The following CRTAC1 variants were observed in gnomAD, a reference collection of about 807,000 sequenced individuals.
CRTAC1 encodes the protein cartilage acidic protein 1.
A neutral mutation model predicts 67.8 loss-of-function variants in CRTAC1; 37 were observed. That is an observed-to-expected ratio of 0.55 (90% CI 0.42 to 0.72). The LOEUF (loss-of-function observed/expected upper bound fraction) is 0.72. Among genes scored for constraint, CRTAC1 ranks in the 30% least tolerant of loss-of-function variants. The probability of loss-of-function intolerance (pLI) is 0.00; values close to 1 mark genes in which losing one functional copy is unlikely to be tolerated. For missense variants in CRTAC1, 780 were observed against 931.6 expected (o/e 0.84, Z 2.12); for synonymous variants, 348 against 371.0 (o/e 0.94, Z 0.71).
At chr10:97,942,631 C>G (rs1564905279) in intron 2 of CRTAC1, among the ~76,000 whole-genome samples, 1 of 151,964 alleles carries the variant, frequency 6.6e-6, no homozygotes, top group South Asian at 2.1e-4. Context: ...AGAAACTGTG[C>G]TAAGTAATTT....
intron 4 of CRTAC1, 144 bp downstream of exon 4, chr10:97,923,120 C>T (rs1244226382): frequency 5.8e-6 from 5 of 863,148 alleles, no homozygotes; most frequent in Non-Finnish European, 7.1e-6. Context: ...ATGCATTCTG[C>T]AAGTCTTAGT....
chr10:98,027,764 A>G (rs1045457385), intron 1 of CRTAC1, among the ~76,000 whole-genome samples: 1 of 152,218 alleles, frequency 6.6e-6, no homozygotes, highest in African/African-American at 2.4e-5. Context: ...TATGGGATGT[A>G]TTAATTTACC....
chr10:98,020,936 C>A (rs1843105244), intron 1 of CRTAC1, among the ~76,000 whole-genome samples: 1 of 152,128 alleles, frequency 6.6e-6, no homozygotes, highest in South Asian at 2.1e-4. Context: ...GAAAGCTGGG[C>A]TGGAAGCAAA....
intron 2 of CRTAC1, among the ~76,000 whole-genome samples, chr10:97,981,751 T>C (rs927758379): frequency 1.3e-5 from 2 of 152,238 alleles, no homozygotes. Context: ...ACTAATAGTT[T>C]ATGAAAATGT....
intron 11 of CRTAC1, among the ~76,000 whole-genome samples, chr10:97,889,395 C>A (rs957683070): frequency 6.7e-6 from 1 of 150,162 alleles, no homozygotes; most frequent in Non-Finnish European, 1.5e-5. Flanking sequence ...GCTGGAGGTC[C>A]GTCTGCACCG....
At chr10:97,943,821 T>C (rs1393728500) in intron 2 of CRTAC1, among the ~76,000 whole-genome samples, 1 of 152,170 alleles carries the variant, frequency 6.6e-6, no homozygotes, top group Admixed American at 6.5e-5. Flanking sequence ...TTAATTGCAA[T>C]AGAGACCGTA....
At chr10:97,898,443 T>C (rs1163631832) in intron 8 of CRTAC1, among the ~76,000 whole-genome samples, 1 of 151,952 alleles carries the variant, frequency 6.6e-6, no homozygotes, top group Non-Finnish European at 1.5e-5. Flanking sequence ...TGAAGAGGGA[T>C]AATTGGGGGC....
intron 5 of CRTAC1, among the ~76,000 whole-genome samples, chr10:97,916,998 T>G (rs998344447): frequency 3.3e-5 from 5 of 152,168 alleles, no homozygotes; most frequent in African/African-American, 4.8e-5. Flanking sequence ...AGAACTCAAT[T>G]CTTTGAGCTC....
intron 13 of CRTAC1, among the ~76,000 whole-genome samples, chr10:97,881,376 TC>T (rs1350608403): frequency 1.3e-5 from 2 of 152,056 alleles, no homozygotes; most frequent in Admixed American, 6.6e-5. Flanking sequence ...CTCAGAGTCT[TC>T]CCCCCGAGGC....
chr10:97,995,582 C>CT (rs1403203292), intron 2 of CRTAC1, among the ~76,000 whole-genome samples: 1 of 152,138 alleles, frequency 6.6e-6, no homozygotes, highest in Non-Finnish European at 1.5e-5. Context: ...CCCCAATGAA[C>CT]TATATTTTTA....
At chr10:98,007,166 G>A (rs1005464933) in intron 2 of CRTAC1, among the ~76,000 whole-genome samples, 2 of 152,160 alleles carry the variant, frequency 1.3e-5, no homozygotes, top group African/African-American at 4.8e-5. Flanking sequence ...TAGTCAAATC[G>A]GTTCTTGACA....
intron 2 of CRTAC1, among the ~76,000 whole-genome samples, chr10:97,961,827 G>A (rs1365723369): frequency 2.0e-5 from 3 of 152,170 alleles, no homozygotes; most frequent in African/African-American, 4.8e-5. Flanking sequence ...TTGCAGCTAG[G>A]AGTTCAAGAC....
intron 2 of CRTAC1, among the ~76,000 whole-genome samples, chr10:97,947,383 T>G (rs1331607444): frequency 6.6e-6 from 1 of 152,222 alleles, no homozygotes; most frequent in Non-Finnish European, 1.5e-5. Context: ...AAGGTTTGTT[T>G]GATCTGGAAC....
At chr10:97,884,449 T>A in intron 11 of CRTAC1, 98 bp from the exon 12 acceptor site, 1 of 1,155,952 alleles carries the variant, frequency 8.7e-7, no homozygotes, top group African/African-American at 1.5e-5. Flanking sequence ...AATAAAAGCA[T>A]GAATTGAGCA....
chr10:97,895,798 C>G lies in CRTAC1; in HGVS notation c.1317+87G>C. The stretch of plus-strand genomic sequence containing the variant: ...CCATTACCCACCATGCTGGCCAAGC[C>G]AGCACCCCGGCACCTTGCCCTCACC... On this transcript the variant is annotated intron_variant, in intron 10 of 14. Transcript: ENST00000370597. This position sits in a 1 kb window ranked among gnomAD's most constrained non-coding sequence, Gnocchi z 4.2. The G allele has an allele frequency of 8.8e-7, 1 of 1,141,512 alleles. No homozygotes were observed. Among genetic ancestry groups the G allele is most frequent in the Non-Finnish European group, 1.3e-6 (1 of 777,054 alleles). 70.7% of individuals were successfully genotyped at this position (1,141,512 alleles called of 1,614,324 possible).
intron 2 of CRTAC1, among the ~76,000 whole-genome samples, chr10:97,972,870 A>AGCC (rs1245700282): frequency 6.6e-6 from 1 of 152,212 alleles, no homozygotes; most frequent in African/African-American, 2.4e-5. Context: ...TATTTCATCA[A>AGCC]TTCCAAGACA....
chr10:98,018,771 C>T (rs934487795), intron 1 of CRTAC1, among the ~76,000 whole-genome samples: 1 of 152,118 alleles, frequency 6.6e-6, no homozygotes, highest in Non-Finnish European at 1.5e-5. Context: ...GCCTTTCAGA[C>T]ACTTGTAGGA....
chr10:98,026,589 G>C (rs1843236902), intron 1 of CRTAC1, among the ~76,000 whole-genome samples: 1 of 152,124 alleles, frequency 6.6e-6, no homozygotes, highest in Non-Finnish European at 1.5e-5. Context: ...CCAGTTTAAA[G>C]AGAGGGGCTT....
intron 5 of CRTAC1, among the ~76,000 whole-genome samples, chr10:97,915,152 C>G (rs2050741009): frequency 6.6e-6 from 1 of 152,174 alleles, no homozygotes; most frequent in Admixed American, 6.5e-5. Flanking sequence ...AGTCCGGGTG[C>G]CAGCCTGGGG....
Sources: gnomAD v4.1 joint callset for allele counts (sites outside exome capture counted in the v4.1 genomes callset) on GRCh38, gnomAD v4.1.1 for gene constraint, Gnocchi (gnomAD v3.1) non-coding constraint, MANE v1.5 for transcripts, NCBI Gene and HGNC (gene_info 2026-07-23, HGNC 2026-07-21) for gene names.